ITGBL1: variants seen among roughly 807,000 people sequenced by gnomAD.
ITGBL1 encodes integrin beta-like protein 1.
A neutral mutation model predicts 68.5 loss-of-function variants in ITGBL1; 51 were observed. The ratio of observed to expected loss-of-function variants is 0.74; its 90% CI spans 0.59 to 0.94. ITGBL1 has a LOEUF of 0.94. Ranked by LOEUF, ITGBL1 falls within the 40% of genes least tolerant of loss-of-function variation. The pLI, the probability that ITGBL1 is intolerant of heterozygous loss-of-function variation, is 0.00. For missense variants in ITGBL1, 649 were observed against 647.4 expected (o/e 1.00, Z -0.03); for synonymous variants, 209 against 227.3 (o/e 0.92, Z 0.72).
At chr13:101,641,541 A>T (rs1028866910) in intron 7 of ITGBL1, among the ~76,000 whole-genome samples, 6 of 141,762 alleles carry the variant, frequency 4.2e-5, no homozygotes, top group Admixed American at 6.9e-5. Flanking sequence ...ATTTTATTTT[A>T]TTTATTTTTA....
chr13:101,658,537 T>C (rs1472068846), intron 7 of ITGBL1, among the ~76,000 whole-genome samples: 1 of 152,134 alleles, frequency 6.6e-6, no homozygotes, highest in Non-Finnish European at 1.5e-5. Context: ...TAAAAGGTGA[T>C]TTTAGTGCAT....
At chr13:101,517,591 G>A (rs2049216063) in intron 2 of ITGBL1, among the ~76,000 whole-genome samples, 2 of 152,068 alleles carry the variant, frequency 1.3e-5, no homozygotes, top group Admixed American at 1.3e-4. Context: ...TGTAAACCAG[G>A]ACCACTAAAT....
intron 5 of ITGBL1, among the ~76,000 whole-genome samples, chr13:101,582,470 C>G (rs2050474766): frequency 6.6e-6 from 1 of 152,162 alleles, no homozygotes. Flanking sequence ...AAGACAGTTA[C>G]TGATAATCCA....
At chr13:101,650,727 G>T (rs951988525) in intron 7 of ITGBL1, among the ~76,000 whole-genome samples, 6 of 151,026 alleles carry the variant, frequency 4.0e-5, no homozygotes, top group African/African-American at 1.2e-4. Context: ...GTACAGATCC[G>T]CCCATCACCT....
chr13:101,561,921 A>G (rs923724490), intron 2 of ITGBL1, among the ~76,000 whole-genome samples: 5 of 152,216 alleles, frequency 3.3e-5, no homozygotes, highest in African/African-American at 1.2e-4. Context: ...TTAAAGTGTA[A>G]TAGCATTATA....
intron 6 of ITGBL1, among the ~76,000 whole-genome samples, chr13:101,591,331 G>A (rs1031931170): frequency 6.6e-6 from 1 of 152,152 alleles, no homozygotes; most frequent in Non-Finnish European, 1.5e-5. Flanking sequence ...ATATTCATAT[G>A]TCATGTATGT....
At chr13:101,563,689 G>T (rs2050136230) in intron 2 of ITGBL1, among the ~76,000 whole-genome samples, 1 of 151,790 alleles carries the variant, frequency 6.6e-6, no homozygotes, top group African/African-American at 2.4e-5. Context: ...AGGCTCCAAT[G>T]ATTTTACTAG....
chr13:101,488,968 A>G (rs2048738624), intron 2 of ITGBL1, among the ~76,000 whole-genome samples: 1 of 152,190 alleles, frequency 6.6e-6, no homozygotes, highest in African/African-American at 2.4e-5. Context: ...GCTGTTTACC[A>G]GTAGGAGCCA....
chr13:101,508,332 A>G lies in ITGBL1; in HGVS notation c.316+54232A>G, dbSNP rs912096819. The stretch of plus-strand genomic sequence containing the variant: ...ACATTTAGTTTCTTTCCAGTTTACT[A>G]TAAACACTGCATGATGAGCATCTTT... On this transcript the variant is annotated intron_variant, in intron 2 of 10. Coordinates refer to ENST00000376180, the MANE Select transcript of ITGBL1 (RefSeq NM_004791.3). 2.6e-5 allele frequency among the ~76,000 whole-genome samples: 4 copies of G among 152,332 alleles called. No homozygotes were observed. The East Asian group carries it at 7.7e-4, about 29-fold the overall frequency.
chr13:101,684,062 A>G (rs1433316032), intron 7 of ITGBL1, among the ~76,000 whole-genome samples: 2 of 151,990 alleles, frequency 1.3e-5, no homozygotes, highest in Non-Finnish European at 2.9e-5. Context: ...CCTAATTATA[A>G]TTCAAATGGT....
chr13:101,674,135 A>G (rs1366157457), intron 7 of ITGBL1, among the ~76,000 whole-genome samples: 2 of 152,254 alleles, frequency 1.3e-5, no homozygotes, highest in African/African-American at 4.8e-5. Flanking sequence ...AGACTTTGAC[A>G]AAACTACAAT....
chr13:101,580,855 C>G (rs9513921), intron 5 of ITGBL1, among the ~76,000 whole-genome samples: 11,571 of 152,198 alleles, frequency 0.076, 580 homozygotes, highest in African/African-American at 0.14. Flanking sequence ...GAAACATAAG[C>G]TAAGCCACCT....
At chr13:101,613,727 A>AGCTT in intron 7 of ITGBL1, among the ~76,000 whole-genome samples, 1 of 152,144 alleles carries the variant, frequency 6.6e-6, no homozygotes, top group East Asian at 1.9e-4. Flanking sequence ...GCACTTGGAG[A>AGCTT]GCTTGCAGAA....
chr13:101,645,052 A>G (rs1160962061), intron 7 of ITGBL1, among the ~76,000 whole-genome samples: 1 of 152,170 alleles, frequency 6.6e-6, no homozygotes, highest in Non-Finnish European at 1.5e-5. Flanking sequence ...CCCCCTCCCA[A>G]TCAAATGGCA....
chr13:101,538,835 GACAA>G (rs749005926), intron 2 of ITGBL1, among the ~76,000 whole-genome samples: 8 of 151,942 alleles, frequency 5.3e-5, no homozygotes, highest in Non-Finnish European at 1.0e-4. Context: ...TTTATTATGT[GACAA>G]ACACTCTTAA....
chr13:101,638,561 A>G (rs1239206267), intron 7 of ITGBL1, among the ~76,000 whole-genome samples: 1 of 152,224 alleles, frequency 6.6e-6, no homozygotes, highest in African/African-American at 2.4e-5. Context: ...GAGAGGCCTC[A>G]CAATCATGGT....
chr13:101,612,606 A>G (rs1012193297), intron 7 of ITGBL1, among the ~76,000 whole-genome samples: 25 of 152,158 alleles, frequency 1.6e-4, no homozygotes, highest in Admixed American at 1.5e-3. Context: ...AAGTGACATA[A>G]TTTATGCTTG....
rs544594060 is a variant in ITGBL1 at position 101,691,913 on chromosome 13, A to G, written c.1016-672A>G. On this transcript the variant is annotated intron_variant, in intron 7 of 10. Coordinates refer to ENST00000376180, the MANE Select transcript of ITGBL1 (RefSeq NM_004791.3). ...CAGGGAATGATAGTGTTTGACACAT[A>G]GTTACCACTCAATAAATCATGATGA... is the stretch of plus-strand genomic sequence containing the variant. 2.0e-5 allele frequency among the ~76,000 whole-genome samples: 3 copies of G among 152,348 alleles called. No individual in the cohort carries two copies. The East Asian group carries it at 5.8e-4, about 29-fold the overall frequency.
chr13:101,699,474 TG>T (rs1224652416), intron 8 of ITGBL1, among the ~76,000 whole-genome samples: 1 of 151,942 alleles, frequency 6.6e-6, no homozygotes, highest in African/African-American at 2.4e-5. Context: ...ATCACGGGGG[TG>T]GTTTTCTCCA....
Sources: allele counts gnomAD v4.1 joint callset (sites outside exome capture counted in the v4.1 genomes callset), GRCh38; gene constraint gnomAD v4.1.1; transcripts MANE v1.5; gene names NCBI Gene and HGNC (gene_info 2026-07-23, HGNC 2026-07-21).